The following UBE4A variants were observed in gnomAD, a reference collection of about 807,000 sequenced individuals.
UBE4A encodes the protein ubiquitin conjugation factor E4 A.
In UBE4A, 48 loss-of-function variants were observed where a neutral mutation model predicts 117.9. That is an observed-to-expected ratio of 0.41 (90% CI 0.32 to 0.52). UBE4A has a LOEUF of 0.52. UBE4A is among the 20% of genes least tolerant of loss of function. UBE4A has a pLI of 0.33. For synonymous variants in UBE4A, 407 were observed against 450.0 expected (o/e 0.90, Z 1.21); for missense variants, 1,067 against 1,296.3 (o/e 0.82, Z 2.72).
intron 1 of UBE4A, among the ~76,000 whole-genome samples, chr11:118,363,377 A>G (rs1948535500): frequency 6.6e-6 from 1 of 152,144 alleles, no homozygotes; most frequent in Non-Finnish European, 1.5e-5. Flanking sequence ...CCCCGTCTCT[A>G]CTAAAAATCC....
At chr11:118,388,646 C>G (rs1555127655) in intron 16 of UBE4A, among the ~76,000 whole-genome samples, 1 of 139,816 alleles carries the variant, frequency 7.2e-6, no homozygotes, top group Admixed American at 7.2e-5. Context: ...GAGACTCTAT[C>G]TCAAAAAAAA....
chr11:118,386,758 C>A, intron 16 of UBE4A, 146 bp downstream of exon 16: 1 of 952,104 alleles, frequency 1.1e-6, no homozygotes, highest in Non-Finnish European at 1.5e-6. Context: ...ACTTGAGAAG[C>A]TTCAAAAAGA....
At chr11:118,363,705 G>T (rs922125271) in intron 1 of UBE4A, among the ~76,000 whole-genome samples, 1 of 143,288 alleles carries the variant, frequency 7.0e-6, no homozygotes, top group Non-Finnish European at 1.5e-5. Flanking sequence ...TCTGCCTCCC[G>T]AGTCCAAGCA....
Position 118,386,631 on chromosome 11 carries a change from G to A in UBE4A, c.2587+19G>A. On this transcript the variant is annotated intron_variant, in intron 16 of 19. Transcript: ENST00000252108. ...ACATCAGGTAAGGACATGAAGTACTGCTTCCCCCCAAAAAAGTAATGGCCA... is the reference window on the plus strand; with the variant it reads ...ACATCAGGTAAGGACATGAAGTACTACTTCCCCCCAAAAAAGTAATGGCCA... 4 of 1,505,094 alleles carry A rather than the reference G, an allele frequency of 2.7e-6. No individual in the cohort carries two copies. Among genetic ancestry groups the A allele is most frequent in the Non-Finnish European group, 3.5e-6 (4 of 1,130,446 alleles). The allele number at this position is 1,505,094 out of a possible 1,614,324, so 93.2% of individuals were successfully genotyped here. A position where few individuals can be genotyped will look rare whatever the true frequency, so the allele number is the denominator to read the frequency against.
intron 16 of UBE4A, among the ~76,000 whole-genome samples, chr11:118,388,518 A>T (rs190379929): frequency 6.6e-6 from 1 of 151,998 alleles, no homozygotes; most frequent in Non-Finnish European, 1.5e-5. Context: ...GTGTGGTGGC[A>T]TGTGCCTGTA....
At chr11:118,373,786 A>T (rs1948628860) in intron 8 of UBE4A, 101 bp downstream of exon 8, 1 of 1,370,884 alleles carries the variant, frequency 7.3e-7, no homozygotes, top group African/African-American at 1.5e-5. Flanking sequence ...GGGAAAGCAA[A>T]TTGATCTAGT....
chr11:118,365,320 T>G, intron 2 of UBE4A, 119 bp downstream of exon 2: 1 of 1,388,068 alleles, frequency 7.2e-7, no homozygotes, highest in East Asian at 2.6e-5. Flanking sequence ...AAGTTGGTTT[T>G]TGTTTGTTTG....
rs1429076275 is a variant in UBE4A, at chr11:118,397,504, A to C, written c.*1064A>C. Reference sequence around the variant, plus strand: ...CTTCTAACACAGCCTTAGGTCTTCAATTAACAAAGTAGGAAGTTGAGCACA... The same window carrying C: ...CTTCTAACACAGCCTTAGGTCTTCACTTAACAAAGTAGGAAGTTGAGCACA... On this transcript the variant is annotated 3_prime_UTR_variant, in exon 20 of 20. Coordinates refer to ENST00000252108, the MANE Select transcript of UBE4A (RefSeq NM_001204077.2). 1 of 152,234 alleles carries C rather than the reference A, an allele frequency of 6.6e-6. No individual in the cohort carries two copies. Among genetic ancestry groups the C allele is most frequent in the South Asian group, 2.1e-4 (1 of 4,836 alleles). 9.4% of individuals were successfully genotyped at this position (152,234 alleles called of 1,614,324 possible). A position where few individuals can be genotyped will look rare whatever the true frequency, so the allele number is the denominator to read the frequency against.
chr11:118,396,544 T>C lies in UBE4A; in HGVS notation c.*104T>C. ...TGTTCCTTTTCTTTCTTCTTTTCTT[T>C]TTCTTTTTTTTTTTTTTTTTTACTA... On this transcript the variant is annotated 3_prime_UTR_variant, in exon 20 of 20. Coordinates refer to ENST00000252108, the MANE Select transcript of UBE4A (RefSeq NM_001204077.2). 1 of 1,337,788 alleles carries C rather than the reference T, an allele frequency of 7.5e-7. No individual in the cohort carries two copies. The highest frequency in any genetic ancestry group is 1.5e-5 in the South Asian group (1 of 66,200). 82.9% of individuals were successfully genotyped at this position (1,337,788 alleles called of 1,614,324 possible). A position where few individuals can be genotyped will look rare whatever the true frequency, so the allele number is the denominator to read the frequency against.
Position 118,373,629 on chromosome 11 carries a change from A to C in UBE4A, c.1060A>C (p.Asn354His). 3 of 1,614,180 alleles carry C rather than the reference A, an allele frequency of 1.9e-6. No individual in the cohort carries two copies. Among genetic ancestry groups the C allele is most frequent in the Non-Finnish European group, 2.5e-6 (3 of 1,180,028 alleles). Reference sequence around the variant, plus strand: ...TGTAGAAAATCATGGCTACTTTTTGAATCCATCTCGTTCCAGCCCCCAGGA... The same window carrying C: ...TGTAGAAAATCATGGCTACTTTTTGCATCCATCTCGTTCCAGCCCCCAGGA... ...GVVENHGYFL[N>H]PSRSSPQEIK... is the part of the protein sequence containing the mutation. Residue 354 changes from asparagine (N) to histidine (H), a missense_variant, in exon 8 of 20, where the codon AAT becomes CAT. This residue lies in a region of UBE4A where 1,001 missense variants were observed against 1,184.0 expected (regional missense o/e 0.85). Transcript: ENST00000252108.
intron 5 of UBE4A, among the ~76,000 whole-genome samples, chr11:118,372,209 C>G (rs1391226051): frequency 6.6e-6 from 1 of 152,148 alleles, no homozygotes; most frequent in Admixed American, 6.5e-5. Flanking sequence ...GAGCTGAGAT[C>G]ACACCACTGC....
Position 118,389,620 on chromosome 11 carries a change from GAAATA to G in UBE4A, c.2588-98_2588-94del, listed in dbSNP as rs1178857357. On this transcript the variant is annotated intron_variant, in intron 16 of 19. Coordinates refer to ENST00000252108, the MANE Select transcript of UBE4A (RefSeq NM_001204077.2). ...AAAAGTAGTTCCTTCAAAATGTTTA[GAAATA>G]AAATAACAGTAGTTCCCAGAGGTCT... 4 of 1,094,260 alleles carry G rather than the reference GAAATA, an allele frequency of 3.7e-6. No individual in the cohort carries two copies. The African/African-American group carries it at 6.4e-5, about 17-fold the overall frequency. The allele number at this position is 1,094,260 out of a possible 1,614,324, so 67.8% of individuals were successfully genotyped here.
At chr11:118,370,281 C>A (rs1046578866) in intron 4 of UBE4A, among the ~76,000 whole-genome samples, 3 of 152,084 alleles carry the variant, frequency 2.0e-5, no homozygotes, top group Admixed American at 2.0e-4. Context: ...AGGCCCATCG[C>A]TTTTTCTTCT....
At chr11:118,363,024 A>G (rs1166678076) in intron 1 of UBE4A, among the ~76,000 whole-genome samples, 4 of 152,198 alleles carry the variant, frequency 2.6e-5, no homozygotes, top group African/African-American at 9.6e-5. Flanking sequence ...AGCTCAATAT[A>G]CTTTTTGCAT....
chr11:118,371,536 T>C lies in UBE4A; in HGVS notation c.431T>C (p.Leu144Pro). The change falls in exon 5 of 20, where the codon CTT becomes CCT. Residue 144 changes from leucine (L) to proline (P), a missense_variant. By Grantham distance (98) the Leu-to-Pro change is moderately conservative. Around this residue, in one of 3 missense-constraint regions of UBE4A, gnomAD observed 1,001 missense variants for 1,184.0 expected, o/e 0.85. Transcript: ENST00000252108. ...TAGGCCCTCTTCGCTCGCTTATTACTTCAAGATCCAGGCAACCACTTAATT... is the reference window on the plus strand; with the variant it reads ...TAGGCCCTCTTCGCTCGCTTATTACCTCAAGATCCAGGCAACCACTTAATT... The part of the protein sequence containing the change: ...VEQALFARLL[L>P]QDPGNHLINM... The C allele has an allele frequency of 6.2e-7, 1 of 1,613,462 alleles. No homozygotes were observed. Among genetic ancestry groups the C allele is most frequent in the Non-Finnish European group, 8.5e-7 (1 of 1,179,676 alleles).
chr11:118,394,805 C>T (rs1278486148), intron 19 of UBE4A, among the ~76,000 whole-genome samples: 1 of 151,456 alleles, frequency 6.6e-6, no homozygotes, highest in Non-Finnish European at 1.5e-5. Flanking sequence ...TATATCTCTA[C>T]AAAAAATTAT....
intron 16 of UBE4A, among the ~76,000 whole-genome samples, chr11:118,387,460 A>G (rs943365002): frequency 1.2e-4 from 18 of 152,324 alleles, no homozygotes; most frequent in African/African-American, 4.1e-4. Context: ...AACAGAAGGA[A>G]AAAGATGGAA....
rs1057296267 is a variant in UBE4A, at chr11:118,373,159, T to C, written c.795T>C (p.Phe265=). ...TATTGGATGAGGAAGTTAGAACATTTCCAGAAGTCATGATTCCAGTGTTTG... is the reference window on the plus strand; with the variant it reads ...TATTGGATGAGGAAGTTAGAACATTCCCAGAAGTCATGATTCCAGTGTTTG... ...ALILDEEVRT[F]PEVMIPVFDI... Residue 265 remains phenylalanine, a synonymous_variant, in exon 7 of 20, where the codon TTT becomes TTC. Coordinates refer to ENST00000252108, the MANE Select transcript of UBE4A (RefSeq NM_001204077.2). 1 of 1,614,058 alleles carries C rather than the reference T, an allele frequency of 6.2e-7. No homozygotes were observed. The highest frequency in any genetic ancestry group is 8.5e-7 in the Non-Finnish European group (1 of 1,180,010).
intron 16 of UBE4A, among the ~76,000 whole-genome samples, chr11:118,389,042 A>G (rs1386025887): frequency 6.6e-6 from 1 of 152,186 alleles, no homozygotes; most frequent in Admixed American, 6.5e-5. Context: ...GTAATCCTCT[A>G]ACCCTTTGGA....
Sources: gnomAD v4.1 joint callset for allele counts (sites outside exome capture counted in the v4.1 genomes callset) on GRCh38, gnomAD v4.1.1 for gene constraint, gnomAD v4.1.1 regional missense constraint, MANE v1.5 for transcripts, NCBI Gene and HGNC (gene_info 2026-07-23, HGNC 2026-07-21) for gene names.